INPP4B: variants seen among roughly 807,000 people sequenced by gnomAD.
INPP4B encodes inositol polyphosphate-4-phosphatase type II B.
In INPP4B, 55 loss-of-function variants were observed where a neutral mutation model predicts 122.5. That is an observed-to-expected ratio of 0.45 (90% confidence interval 0.36 to 0.56). The LOEUF (loss-of-function observed/expected upper bound fraction) is 0.56. INPP4B is among the 20% of genes least tolerant of loss of function. INPP4B has a pLI of 0.00. For missense variants in INPP4B, 1,000 were observed against 1,097.7 expected, an observed-to-expected ratio of 0.91 and a Z score of 1.26; for synonymous variants, 403 against 388.7, an observed-to-expected ratio of 1.04 and a Z score of -0.43.
At chr4:142,398,404 ATATATATATATATATATAT>A (rs1800319965) in intron 7 of INPP4B, among the ~76,000 whole-genome samples, 2 of 10,710 alleles carry the variant, frequency 1.9e-4, no homozygotes, top group East Asian at 2.9e-3. Flanking sequence ...AAAAAAAAAT[ATATATATATATATATATAT>A]ATATATATAT....
intron 7 of INPP4B, among the ~76,000 whole-genome samples, chr4:142,321,254 A>G (rs1355277091): frequency 6.6e-6 from 1 of 152,076 alleles, no homozygotes; most frequent in East Asian, 1.9e-4. Context: ...CTTGTTGGCC[A>G]TTTATATTTC....
chr4:142,146,130 T>A (rs1810580143), intron 17 of INPP4B, 134 bp from the exon 18 acceptor site: 7 of 965,862 alleles, frequency 7.2e-6, no homozygotes, highest in Non-Finnish European at 1.1e-5. Flanking sequence ...TAAATTCCCA[T>A]TAATTTGGTC....
chr4:142,818,982 A>G (rs904685780), intron 1 of INPP4B, among the ~76,000 whole-genome samples: 39 of 152,250 alleles, frequency 2.6e-4, no homozygotes, highest in Admixed American at 4.6e-4. Flanking sequence ...TATACCCAGC[A>G]CCAAAAGAGC....
intron 1 of INPP4B, among the ~76,000 whole-genome samples, chr4:142,824,198 G>C (rs1321327917): frequency 6.6e-6 from 1 of 152,100 alleles, no homozygotes; most frequent in Non-Finnish European, 1.5e-5. Context: ...CCAGCTTGCA[G>C]ATGGCAGATT....
At chr4:142,226,810 A>G (rs1308037424) in intron 12 of INPP4B, among the ~76,000 whole-genome samples, 1 of 152,230 alleles carries the variant, frequency 6.6e-6, no homozygotes, top group Non-Finnish European at 1.5e-5. Context: ...AGAAATTGAT[A>G]AAGTAGAATG....
intron 21 of INPP4B, among the ~76,000 whole-genome samples, chr4:142,115,360 C>A (rs1211737695): frequency 6.6e-6 from 1 of 152,182 alleles, no homozygotes; most frequent in East Asian, 1.9e-4. Context: ...ACATAATTGT[C>A]AGATTTACCA....
chr4:142,658,834 G>T (rs917818892), intron 2 of INPP4B, among the ~76,000 whole-genome samples: 1 of 152,034 alleles, frequency 6.6e-6, no homozygotes, highest in South Asian at 2.1e-4. Flanking sequence ...AGAATGTCAC[G>T]TTCTAACAGT....
At chr4:142,754,022 C>T (rs1173441824) in intron 1 of INPP4B, among the ~76,000 whole-genome samples, 2 of 152,024 alleles carry the variant, frequency 1.3e-5, no homozygotes, top group Non-Finnish European at 2.9e-5. Context: ...ACCTTCGTGA[C>T]TGATTTCCAC....
intron 2 of INPP4B, among the ~76,000 whole-genome samples, chr4:142,508,001 T>C (rs1469097440): frequency 1.3e-5 from 2 of 152,130 alleles, no homozygotes; most frequent in African/African-American, 2.4e-5. Flanking sequence ...TCTTAAAGCA[T>C]TACAACCTTA....
chr4:142,241,105 C>T (rs1158532439), intron 11 of INPP4B, among the ~76,000 whole-genome samples: 3 of 152,144 alleles, frequency 2.0e-5, no homozygotes, highest in African/African-American at 7.2e-5. Context: ...TGGCTCTCCA[C>T]TGGTGGCAAG....
intron 2 of INPP4B, among the ~76,000 whole-genome samples, chr4:142,596,801 G>T (rs1738812105): frequency 1.3e-5 from 2 of 152,166 alleles, no homozygotes; most frequent in African/African-American, 2.4e-5. Flanking sequence ...GCTTGCCCTG[G>T]CCAGTTCTTT....
At chr4:142,056,673 T>C (rs902178030) in intron 25 of INPP4B, among the ~76,000 whole-genome samples, 3 of 152,098 alleles carry the variant, frequency 2.0e-5, no homozygotes, top group African/African-American at 7.2e-5. Context: ...GCCGAAAATA[T>C]CTGGAAGCAG....
chr4:142,305,818 A>G, intron 8 of INPP4B: 2 of 1,177,268 alleles, frequency 1.7e-6, no homozygotes, highest in East Asian at 1.0e-4. Flanking sequence ...ACTAACTATA[A>G]TTTTCTCTGC....
rs200327044 is a variant in INPP4B at position 142,270,695 on chromosome 4, C to T, written c.583G>A (p.Asp195Asn). The T allele has an allele frequency of 6.8e-6, 11 of 1,612,504 alleles. No homozygotes were observed. The highest frequency in any genetic ancestry group is 4.5e-5 in the East Asian group (2 of 44,846). The change falls in exon 10 of 26, where the codon GAC (aspartate) becomes AAC (asparagine). Residue 195 changes from aspartate (D) to asparagine (N), a missense_variant. By Grantham distance (23) the Asp-to-Asn change is conservative (BLOSUM62 1). Coordinates refer to ENST00000262992, the MANE Select transcript of INPP4B (RefSeq NM_001101669.3). ...CCCTGTACATCTGTGGTGATGTGGTCGGCTTCCCCATCCTCAATCTCCCCC... is the reference window on the plus strand; with the variant it reads ...CCCTGTACATCTGTGGTGATGTGGTTGGCTTCCCCATCCTCAATCTCCCCC... ...KMGEIEDGEA[D>N]HITTDVQGQK...
At chr4:142,676,434 G>A (rs115386155) in intron 2 of INPP4B, among the ~76,000 whole-genome samples, 15 of 151,762 alleles carry the variant, frequency 9.9e-5, no homozygotes, top group African/African-American at 1.7e-4. Context: ...TTTATAGAGC[G>A]AATACTATCC....
chr4:142,404,287 C>T (rs978242033), intron 6 of INPP4B, among the ~76,000 whole-genome samples: 12 of 152,146 alleles, frequency 7.9e-5, no homozygotes, highest in African/African-American at 2.2e-4. Context: ...TCAAAGCAGG[C>T]GGTCAGCCCT....
intron 1 of INPP4B, among the ~76,000 whole-genome samples, chr4:142,747,382 A>G (rs1290740311): frequency 6.6e-6 from 1 of 152,124 alleles, no homozygotes; most frequent in African/African-American, 2.4e-5. Flanking sequence ...CAGGTACTGG[A>G]GAGGATGTGG....
chr4:142,188,783 A>C (rs1834415641), intron 15 of INPP4B, among the ~76,000 whole-genome samples: 1 of 152,082 alleles, frequency 6.6e-6, no homozygotes, highest in African/African-American at 2.4e-5. Context: ...TATTCTTAAG[A>C]ATGGAAGTGA....
intron 1 of INPP4B, among the ~76,000 whole-genome samples, chr4:142,742,526 T>C (rs534656692): frequency 1.1e-4 from 16 of 151,906 alleles, no homozygotes; most frequent in Non-Finnish European, 4.4e-5. Context: ...CAATGACGGA[T>C]GTCAGAAGGC....
Sources: gnomAD v4.1 joint callset for allele counts (sites outside exome capture counted in the v4.1 genomes callset) on GRCh38, gnomAD v4.1.1 for gene constraint, MANE v1.5 for transcripts, NCBI Gene and HGNC (gene_info 2026-07-23, HGNC 2026-07-21) for gene names.